The following GPC6 variants were observed in gnomAD, a reference collection of about 807,000 sequenced individuals.
The protein encoded by GPC6 is glypican 6.
A neutral mutation model predicts 55.2 loss-of-function variants in GPC6; 14 were observed. That is an observed-to-expected ratio of 0.25 (90% CI 0.17 to 0.40). GPC6 has a LOEUF of 0.40. GPC6 is among the 10% of genes least tolerant of loss of function. GPC6 has a pLI of 1.00. For synonymous variants in GPC6, 278 were observed against 259.6 expected, an observed-to-expected ratio of 1.07 and a Z score of -0.68; for missense variants, 641 against 708.5, an observed-to-expected ratio of 0.90 and a Z score of 1.08.
intron 5 of GPC6, among the ~76,000 whole-genome samples, chr13:94,296,046 T>C (rs748821086): frequency 6.6e-6 from 1 of 151,978 alleles, no homozygotes; most frequent in Non-Finnish European, 1.5e-5. Flanking sequence ...TTCCTGCTTG[T>C]AATATTGCTG....
chr13:93,956,080 C>T (rs181792377), intron 3 of GPC6, among the ~76,000 whole-genome samples: 37 of 152,202 alleles, frequency 2.4e-4, no homozygotes, highest in African/African-American at 8.7e-4. Flanking sequence ...AAACATCTTG[C>T]TAAAGCAAAT....
chr13:93,914,292 C>T (rs750991884), intron 3 of GPC6, among the ~76,000 whole-genome samples: 7 of 152,014 alleles, frequency 4.6e-5, no homozygotes, highest in Non-Finnish European at 7.3e-5. Context: ...GTTCAATTGC[C>T]GCCTATAAGT....
chr13:94,366,914 A>C (rs1275794019), intron 6 of GPC6, among the ~76,000 whole-genome samples: 1 of 152,332 alleles, frequency 6.6e-6, no homozygotes, highest in Middle Eastern at 3.4e-3. Flanking sequence ...CAAAGGAACA[A>C]AGCCAGGCAA....
chr13:94,279,846 G>T (rs1300821451), intron 4 of GPC6, among the ~76,000 whole-genome samples: 2 of 152,142 alleles, frequency 1.3e-5, no homozygotes, highest in Non-Finnish European at 2.9e-5. Context: ...ATTTGCTGAG[G>T]AGTGTTTTAC....
At chr13:93,535,562 G>A (rs1278342685) in intron 1 of GPC6, among the ~76,000 whole-genome samples, 1 of 151,784 alleles carries the variant, frequency 6.6e-6, no homozygotes, top group South Asian at 2.1e-4. Context: ...AATTTGAATT[G>A]CATTAAACTC....
chr13:93,338,247 T>A (rs1880113205), intron 1 of GPC6, among the ~76,000 whole-genome samples: 1 of 152,154 alleles, frequency 6.6e-6, no homozygotes, highest in Admixed American at 6.5e-5. Flanking sequence ...ACTGAGTGGA[T>A]CTAAAGGAAG....
intron 6 of GPC6, among the ~76,000 whole-genome samples, chr13:94,377,847 C>T (rs1879959608): frequency 6.6e-6 from 1 of 152,050 alleles, no homozygotes; most frequent in South Asian, 2.1e-4. Context: ...ACATATACAC[C>T]ATGGAATACT....
chr13:93,792,687 AC>A (rs1886081843), intron 2 of GPC6, among the ~76,000 whole-genome samples: 1 of 152,132 alleles, frequency 6.6e-6, no homozygotes, highest in South Asian at 2.1e-4. Context: ...GTAGGGGAAA[AC>A]GTGGTTTTCA....
At chr13:93,656,815 A>T (rs1880688674) in intron 2 of GPC6, among the ~76,000 whole-genome samples, 1 of 152,136 alleles carries the variant, frequency 6.6e-6, no homozygotes, top group Non-Finnish European at 1.5e-5. Context: ...AATAACATCC[A>T]AGCTGAGTAC....
intron 1 of GPC6, among the ~76,000 whole-genome samples, chr13:93,341,843 G>A (rs966888812): frequency 4.0e-5 from 6 of 150,282 alleles, no homozygotes; most frequent in Non-Finnish European, 7.4e-5. Context: ...TTTTTCTGAT[G>A]TTATCTTCTA....
chr13:94,019,124 T>G (rs1269472527), intron 3 of GPC6, among the ~76,000 whole-genome samples: 1 of 152,254 alleles, frequency 6.6e-6, no homozygotes, highest in South Asian at 2.1e-4. Flanking sequence ...TGGAAGAGTT[T>G]AAGAAGGATT....
chr13:93,887,383 A>G (rs924210130), intron 3 of GPC6, among the ~76,000 whole-genome samples: 16 of 152,120 alleles, frequency 1.1e-4, no homozygotes, highest in Non-Finnish European at 1.8e-4. Context: ...TTTAATACTT[A>G]TTAATCAAAT....
chr13:94,226,368 A>G (rs1193486980), intron 4 of GPC6, among the ~76,000 whole-genome samples: 1 of 152,144 alleles, frequency 6.6e-6, no homozygotes, highest in Non-Finnish European at 1.5e-5. Flanking sequence ...GCTGCACATT[A>G]GGATGGCTAT....
rs142985685 is a variant in GPC6, at chr13:93,469,759, A to G, written c.161-75504A>G. 2.5e-3 allele frequency among the ~76,000 whole-genome samples: 382 copies of G among 151,988 alleles called. 3 individuals carry two copies. Among genetic ancestry groups the G allele is most frequent in the Non-Finnish European group, 4.3e-3 (295 of 67,912 alleles). ...GATCTGTGATCCATTTTAAGTTAAA[A>G]CTTTTGTAGAAAGTATGAAATTTAC... On this transcript the variant is annotated intron_variant, in intron 1 of 8. Transcript: ENST00000377047.
chr13:94,043,905 C>T (rs932790268), intron 4 of GPC6, among the ~76,000 whole-genome samples: 4 of 151,704 alleles, frequency 2.6e-5, no homozygotes, highest in African/African-American at 9.7e-5. Flanking sequence ...GGTTAGTCAT[C>T]TTCTTGAATG....
chr13:94,246,934 T>C (rs1382104401), intron 4 of GPC6, among the ~76,000 whole-genome samples: 2 of 151,998 alleles, frequency 1.3e-5, no homozygotes, highest in Non-Finnish European at 2.9e-5. Flanking sequence ...ATAGAGATTA[T>C]ATTGCTTTAA....
chr13:94,082,805 C>T (rs756979126), intron 4 of GPC6, among the ~76,000 whole-genome samples: 4 of 152,168 alleles, frequency 2.6e-5, no homozygotes, highest in Non-Finnish European at 4.4e-5. Flanking sequence ...AATCCTGCAA[C>T]GTTTCATCTG....
At chr13:93,829,577 T>C (rs958398264) in intron 2 of GPC6, among the ~76,000 whole-genome samples, 10 of 152,234 alleles carry the variant, frequency 6.6e-5, no homozygotes, top group African/African-American at 1.7e-4. Flanking sequence ...TAAATTATGC[T>C]CATTATAGCT....
intron 2 of GPC6, among the ~76,000 whole-genome samples, chr13:93,579,500 T>A (rs1002514504): frequency 5.9e-5 from 9 of 151,996 alleles, no homozygotes; most frequent in Non-Finnish European, 1.0e-4. Flanking sequence ...AGTACAAGAT[T>A]TTTTTCAGAT....
Sources: allele counts gnomAD v4.1 joint callset (sites outside exome capture counted in the v4.1 genomes callset), GRCh38; gene constraint gnomAD v4.1.1; transcripts MANE v1.5; gene names NCBI Gene and HGNC (gene_info 2026-07-23, HGNC 2026-07-21).